Variants in BORCS7 observed in about 807,000 individuals in gnomAD.
BORCS7 encodes BLOC-1 related complex subunit 7, also known as BLOC-1-related complex subunit 7.
In BORCS7, 20 loss-of-function variants were observed where a neutral mutation model predicts 17.5. That is an observed-to-expected ratio of 1.14 (90% CI 0.80 to 1.66). BORCS7 has a LOEUF of 1.66. BORCS7 is among the 40% of genes most tolerant of loss of function. The probability of loss-of-function intolerance (pLI) is 0.00; values close to 1 mark genes in which losing one functional copy is unlikely to be tolerated. For synonymous variants in BORCS7, 57 were observed against 49.8 expected (o/e 1.14, Z -0.61); for missense variants, 122 against 129.7 (o/e 0.94, Z 0.29).
In BORCS7 at chr10:102,854,297, C is replaced by T. The variant is rs1423301909; in HGVS notation, c.11C>T (p.Thr4Ile). 7 of 1,605,880 alleles carry T rather than the reference C, an allele frequency of 4.4e-6. No individual in the cohort carries two copies. The African/African-American group carries it at 8.0e-5, about 18-fold the overall frequency. Residue 4 changes from threonine (T) to isoleucine (I), a missense_variant, in exon 1 of 5, where the codon ACT becomes ATT. Physicochemically the swap from Thr to Ile is moderately conservative, Grantham distance 89 (BLOSUM62 -1). Transcript: ENST00000339834. ...CGTTCGCTAACTGAAATGATGGCGA[C>T]TGGAACGCCAGAGTCTCAAGCGCGG... MMA[T>I]GTPESQARFG...
At position 102,863,773 on chromosome 10, in the gene BORCS7, T is replaced by C. The variant is rs1344208747; in HGVS notation, c.*849T>C. On this transcript the variant is annotated 3_prime_UTR_variant, in exon 5 of 5. Transcript: ENST00000339834. ...TGTTTTATTTGTGATAGCAAATTCCTAAATGAACATTAGGCAAGTGGTATC... is the reference window on the plus strand; with the variant it reads ...TGTTTTATTTGTGATAGCAAATTCCCAAATGAACATTAGGCAAGTGGTATC... 1 of 152,246 alleles carries C rather than the reference T, an allele frequency of 6.6e-6. No individual in the cohort carries two copies. The highest frequency in any genetic ancestry group is 2.4e-5 in the African/African-American group (1 of 41,462). 9.4% of individuals were successfully genotyped at this position (152,246 alleles called of 1,614,324 possible).
At chr10:102,861,760 A>C (rs1844525213) in intron 3 of BORCS7, among the ~76,000 whole-genome samples, 1 of 151,672 alleles carries the variant, frequency 6.6e-6, no homozygotes, top group African/African-American at 2.4e-5. Context: ...AACAAACAAA[A>C]TATATATATA....
intron 3 of BORCS7, chr10:102,860,974 G>A: frequency 5.2e-6 from 1 of 193,114 alleles, no homozygotes; most frequent in Non-Finnish European, 1.1e-5. Context: ...TGGTACATAG[G>A]TAAGTGTGGC....
rs762780871 is a variant in BORCS7 at position 102,860,350 on chromosome 10, C to T, written c.160C>T (p.Arg54Ter). The T allele has an allele frequency of 3.1e-6, 5 of 1,613,440 alleles. No individual in the cohort carries two copies. The highest frequency in any genetic ancestry group is 3.4e-6 in the Non-Finnish European group (4 of 1,179,912). ...RSSELLGQAARNMVLQEDAIL... is the reference protein window; with the variant it reads ...RSSELLGQAA ...CTTCCAGCTGCTAGGTCAGGCAGCT[C>T]GAAACATGGTACTCCAGGAAGATGC... The change falls in exon 2 of 5, where the codon CGA becomes TGA. Residue 54 changes from arginine to a stop codon, truncating the protein, a stop_gained. Coordinates refer to ENST00000339834, the MANE Select transcript of BORCS7 (RefSeq NM_001136200.2). LOFTEE classifies it high-confidence loss of function.
At chr10:102,854,818 G>A (rs1235047697) in intron 1 of BORCS7, among the ~76,000 whole-genome samples, 2 of 150,570 alleles carry the variant, frequency 1.3e-5, no homozygotes, top group African/African-American at 4.9e-5. Context: ...CCAGTTACTT[G>A]GGAGGCTGAG....
intron 1 of BORCS7, among the ~76,000 whole-genome samples, chr10:102,858,545 G>A (rs1844465857): frequency 6.6e-6 from 1 of 152,068 alleles, no homozygotes; most frequent in South Asian, 2.1e-4. Flanking sequence ...AGCTACTCAG[G>A]AGGCTGCTGC....
chr10:102,857,415 G>A (rs1844444983), intron 1 of BORCS7, among the ~76,000 whole-genome samples: 1 of 152,088 alleles, frequency 6.6e-6, no homozygotes. Flanking sequence ...ATCTATAGGA[G>A]TTTGAAGTTT....
chr10:102,854,458 T>G (rs1844391999), intron 1 of BORCS7, 31 bp downstream of exon 1: 1 of 1,513,432 alleles, frequency 6.6e-7, no homozygotes, highest in African/African-American at 1.4e-5. Flanking sequence ...CCCGGCCTGA[T>G]AGTCCGGGGA....
chr10:102,862,130 T>C lies in BORCS7; in HGVS notation c.249-30T>C, dbSNP rs377058545. On this transcript the variant is annotated intron_variant, in intron 3 of 4. Transcript: ENST00000339834. ...AATGAAACTTATTAGTTCACTTATGTGTATTTTCCTCTTTCCTTTTCTGAT... is the reference window on the plus strand; with the variant it reads ...AATGAAACTTATTAGTTCACTTATGCGTATTTTCCTCTTTCCTTTTCTGAT... The C allele has an allele frequency of 1.5e-4, 230 of 1,585,198 alleles. 1 individual carries two copies. Among genetic ancestry groups the C allele is most frequent in the Non-Finnish European group, 1.9e-4 (215 of 1,154,338 alleles).
At position 102,863,959 on chromosome 10, in the gene BORCS7, A is replaced by G. The variant is rs902249684; in HGVS notation, c.*1035A>G. 3 of 152,220 alleles carry G rather than the reference A, an allele frequency of 2.0e-5. No homozygotes were observed. The highest frequency in any genetic ancestry group is 7.2e-5 in the African/African-American group (3 of 41,466). The allele number at this position is 152,220 out of a possible 1,614,324, so 9.4% of individuals were successfully genotyped here. ...TACTGCCAAATATGAAGGCAGTTGA[A>G]TTATTATGAGTGATTGTGGCAGAGG... On this transcript the variant is annotated 3_prime_UTR_variant, in exon 5 of 5. Coordinates refer to ENST00000339834, the MANE Select transcript of BORCS7 (RefSeq NM_001136200.2).
intron 1 of BORCS7, among the ~76,000 whole-genome samples, chr10:102,858,420 C>T (rs1212606286): frequency 2.0e-5 from 3 of 151,778 alleles, no homozygotes; most frequent in Non-Finnish European, 4.4e-5. Context: ...GAGGCTGAGG[C>T]GGGTGGATCA....
intron 1 of BORCS7, among the ~76,000 whole-genome samples, chr10:102,856,955 C>T (rs1844437350): frequency 6.6e-6 from 1 of 152,148 alleles, no homozygotes; most frequent in Non-Finnish European, 1.5e-5. Context: ...TAGAGTACTG[C>T]TGTGTCATCC....
At chr10:102,858,212 G>T (rs1375897540) in intron 1 of BORCS7, among the ~76,000 whole-genome samples, 1 of 147,748 alleles carries the variant, frequency 6.8e-6, no homozygotes, top group South Asian at 2.3e-4. Context: ...GCGAGCGAGA[G>T]AGAGAGAGAG....
In BORCS7 at chr10:102,862,980, C is replaced by A; in HGVS notation, c.*56C>A. On this transcript the variant is annotated 3_prime_UTR_variant, in exon 5 of 5. Coordinates refer to ENST00000339834, the MANE Select transcript of BORCS7 (RefSeq NM_001136200.2). ...TTGCCTAATGCTGAGGAGTAAATAC[C>A]TTACACAGCTGTCCTCTGGGTTTGG... 7.2e-7 allele frequency: 1 copy of A among 1,386,108 alleles called. No individual in the cohort carries two copies. The highest frequency in any genetic ancestry group is 1.0e-6 in the Non-Finnish European group (1 of 975,042). 85.9% of individuals were successfully genotyped at this position (1,386,108 alleles called of 1,614,324 possible).
At position 102,858,188 on chromosome 10, in the gene BORCS7, TATAGAG is replaced by T. The variant is rs1488973310; in HGVS notation, c.142-2142_142-2137del. On this transcript the variant is annotated intron_variant, in intron 1 of 4. Transcript: ENST00000339834. ...TCAAAAAAAAAAAAATATATATATA[TATAGAG>T]AGAGAGAGCGAGCGAGAGAGAGAGA... Among the ~76,000 whole-genome samples, 534 of 106,100 alleles carry T rather than the reference TATAGAG, an allele frequency of 5.0e-3. 15 individuals are homozygous for T. The highest frequency in any genetic ancestry group is 9.8e-3 in the Middle Eastern group (2 of 204). The allele number at this position is 106,100 out of a possible 152,430, so 69.6% of individuals were successfully genotyped here.
intron 1 of BORCS7, among the ~76,000 whole-genome samples, chr10:102,859,605 G>C (rs1239222597): frequency 7.4e-6 from 1 of 135,392 alleles, no homozygotes; most frequent in Non-Finnish European, 1.6e-5. Context: ...TTGCTTTGTC[G>C]CCCAGGCTGG....
chr10:102,862,299 A>G, intron 4 of BORCS7, 119 bp downstream of exon 4: 1 of 897,230 alleles, frequency 1.1e-6, no homozygotes, highest in Middle Eastern at 2.2e-4. Flanking sequence ...AAATTGAAAT[A>G]TGCTCTGGGA....
chr10:102,861,074 GTTTTATA>G (rs996551286), intron 3 of BORCS7, among the ~76,000 whole-genome samples: 1 of 152,128 alleles, frequency 6.6e-6, no homozygotes, highest in Non-Finnish European at 1.5e-5. Context: ...ATTTCATGTT[GTTTTATA>G]TTTTATGTAC....
At chr10:102,862,012 G>T in intron 3 of BORCS7, 148 bp from the exon 4 acceptor site, 3 of 735,290 alleles carry the variant, frequency 4.1e-6, no homozygotes, top group Non-Finnish European at 6.7e-6. Flanking sequence ...AGGAATCCCT[G>T]TTCAATAGCA....
Sources: allele counts gnomAD v4.1 joint callset (sites outside exome capture counted in the v4.1 genomes callset), GRCh38; gene constraint gnomAD v4.1.1; transcripts MANE v1.5; gene names NCBI Gene and HGNC (gene_info 2026-07-23, HGNC 2026-07-21).